The following VRK3 variants were observed in gnomAD, a reference collection of about 807,000 sequenced individuals.
VRK3 encodes the protein serine/threonine-protein kinase VRK3.
In VRK3, 50 loss-of-function variants were observed where a neutral mutation model predicts 60.4. That is an observed-to-expected ratio of 0.83 (90% CI 0.66 to 1.05). The LOEUF (loss-of-function observed/expected upper bound fraction) is 1.05. Ranked by LOEUF, VRK3 falls within the 50% of genes least tolerant of loss-of-function variation. The probability of loss-of-function intolerance (pLI) is 0.00; values close to 1 mark genes in which losing one functional copy is unlikely to be tolerated. For missense variants in VRK3, 549 were observed against 585.3 expected, an observed-to-expected ratio of 0.94 and a Z score of 0.64; for synonymous variants, 246 against 227.8, an observed-to-expected ratio of 1.08 and a Z score of -0.72.
At chr19:50,005,575 T>TA (rs1483791637) in intron 5 of VRK3, among the ~76,000 whole-genome samples, 2 of 149,668 alleles carry the variant, frequency 1.3e-5, no homozygotes, top group Non-Finnish European at 2.9e-5. Flanking sequence ...TGTAAGCAAA[T>TA]ATTCATGGCA....
Position 50,009,316 on chromosome 19 carries a change from G to A in VRK3, c.209C>T (p.Thr70Ile), listed in dbSNP as rs777702475. 3.7e-6 allele frequency: 6 copies of A among 1,614,132 alleles called. No individual in the cohort carries two copies. The highest frequency in any genetic ancestry group is 1.7e-5 in the Admixed American group (1 of 60,014). ...PKKVKWSSTVTSPRLSLFSDG... is the reference protein window; with the variant it reads ...PKKVKWSSTVISPRLSLFSDG... ...TGAGAAGAGGGATAATCGGGGAGAG[G>A]TGACGGTGCTGGACCATTTCACTTT... Residue 70 changes from threonine to isoleucine, a missense_variant, in exon 4 of 15, where the codon ACC becomes ATC. Coordinates refer to ENST00000316763, the MANE Select transcript of VRK3 (RefSeq NM_016440.4).
At chr19:49,996,861 C>A (rs911389403) in intron 7 of VRK3, 1 of 152,320 alleles carries the variant, frequency 6.6e-6, no homozygotes, top group African/African-American at 2.4e-5. Context: ...AGGTGATCTA[C>A]CCACCTCAGC....
intron 12 of VRK3, among the ~76,000 whole-genome samples, chr19:49,983,939 C>T (rs2076468715): frequency 6.6e-6 from 1 of 152,090 alleles, no homozygotes; most frequent in Non-Finnish European, 1.5e-5. Context: ...GTGCGCCTGG[C>T]CCTCTATGGT....
chr19:49,980,325 T>C (rs1338529953), intron 13 of VRK3, among the ~76,000 whole-genome samples: 1 of 152,128 alleles, frequency 6.6e-6, no homozygotes, highest in Admixed American at 6.5e-5. Context: ...ATAAAAGCTG[T>C]GGTGCATCTA....
At position 50,023,683 on chromosome 19, in the gene VRK3, G is replaced by C. The variant is rs191686170; in HGVS notation, c.-65+1584C>G. Among the ~76,000 whole-genome samples the C allele has an allele frequency of 3.0e-3, 458 of 152,104 alleles. 10 individuals are homozygous for C. Among genetic ancestry groups the C allele is most frequent in the Non-Finnish European group, 9.6e-4 (65 of 68,022 alleles). ...CAGAGCAAATGCTGGGTCTACGTCT[G>C]CTGAGTGAATAAATCATTGTCTCCT... On this transcript the variant is annotated intron_variant, in intron 1 of 14. Coordinates refer to ENST00000316763, the MANE Select transcript of VRK3 (RefSeq NM_016440.4).
At chr19:50,008,508 C>A (rs1460657745) in intron 4 of VRK3, among the ~76,000 whole-genome samples, 3 of 152,194 alleles carry the variant, frequency 2.0e-5, no homozygotes, top group African/African-American at 7.2e-5. Flanking sequence ...GTGGCTGTGG[C>A]TTCAGATCCA....
At chr19:49,981,915 T>C (rs891402499) in intron 12 of VRK3, 2 of 841,676 alleles carry the variant, frequency 2.4e-6, no homozygotes, top group Non-Finnish European at 3.5e-6. Flanking sequence ...CAGGCTCGAC[T>C]TCAGGAGGTC....
At chr19:49,981,344 G>C (rs963022190) in intron 12 of VRK3, among the ~76,000 whole-genome samples, 1 of 152,132 alleles carries the variant, frequency 6.6e-6, no homozygotes, top group Non-Finnish European at 1.5e-5. Flanking sequence ...CAGGAGATCC[G>C]AGATCATCCT....
At chr19:49,987,222 G>T (rs550071995) in intron 12 of VRK3, among the ~76,000 whole-genome samples, 3 of 152,146 alleles carry the variant, frequency 2.0e-5, no homozygotes, top group Non-Finnish European at 4.4e-5. Context: ...CGCCCGCTAG[G>T]ATCAGCTGCC....
chr19:49,979,019 G>T, intron 14 of VRK3, 64 bp downstream of exon 14: 3 of 1,503,782 alleles, frequency 2.0e-6, no homozygotes, highest in Non-Finnish European at 2.7e-6. Flanking sequence ...GTCTCCTGGA[G>T]CCTGGGGCAG....
chr19:50,014,241 C>G (rs929190152), intron 3 of VRK3, among the ~76,000 whole-genome samples: 2 of 151,850 alleles, frequency 1.3e-5, no homozygotes, highest in Non-Finnish European at 2.9e-5. Context: ...GCACTCCAGC[C>G]TGGGTGACAG....
chr19:49,980,924 C>T, intron 13 of VRK3, 31 bp downstream of exon 13: 1 of 1,596,638 alleles, frequency 6.3e-7, no homozygotes, highest in Non-Finnish European at 8.5e-7. Flanking sequence ...TGCCCGAGTC[C>T]CCGCCTGTTC....
At position 50,007,752 on chromosome 19, in the gene VRK3, T is replaced by C. The variant is rs758424576; in HGVS notation, c.364A>G (p.Ser122Gly). 1.9e-5 allele frequency: 31 copies of C among 1,613,652 alleles called. No homozygotes were observed. In the South Asian group the frequency reaches 3.0e-4, roughly 15 times the overall value. ...GGGCTACAGCTGGTCTTCTGAGGGC[T>C]ACCCCTGGTCACCTGAGGGCTCTTC... is the stretch of plus-strand genomic sequence containing the variant. ...TRKSPQVTRG[S>G]PQKTSCSPQK... Residue 122 changes from serine to glycine, a missense_variant, in exon 5 of 15, where the codon AGC becomes GGC. Transcript: ENST00000316763.
At chr19:50,008,369 C>T (rs1056322823) in intron 4 of VRK3, among the ~76,000 whole-genome samples, 1 of 152,158 alleles carries the variant, frequency 6.6e-6, no homozygotes, top group African/African-American at 2.4e-5. Context: ...GGGAGACAGA[C>T]TTGGACACAG....
At chr19:49,991,782 G>A (rs1236460063) in intron 10 of VRK3, among the ~76,000 whole-genome samples, 2 of 152,188 alleles carry the variant, frequency 1.3e-5, no homozygotes, top group Admixed American at 1.3e-4. Context: ...GGGAGAGCCG[G>A]CTTCCCAATG....
At chr19:50,024,773 C>G (rs552234768) in intron 1 of VRK3, 1 of 152,360 alleles carries the variant, frequency 6.6e-6, no homozygotes, top group Non-Finnish European at 1.5e-5. Context: ...GACTCCAACC[C>G]TCAGGCCAGT....
chr19:49,995,525 C>G (rs1293135703), intron 7 of VRK3, among the ~76,000 whole-genome samples: 1 of 152,192 alleles, frequency 6.6e-6, no homozygotes, highest in African/African-American at 2.4e-5. Flanking sequence ...GAAGCATATA[C>G]AAGTCTGGAG....
chr19:49,996,217 G>T lies in VRK3; in HGVS notation c.680-942C>A, dbSNP rs923611759. 2.0e-5 allele frequency among the ~76,000 whole-genome samples: 3 copies of T among 148,984 alleles called. No individual in the cohort carries two copies. In the South Asian group the frequency reaches 6.3e-4, roughly 31 times the overall value. On this transcript the variant is annotated intron_variant, in intron 7 of 14. Transcript: ENST00000316763. ...TTACAGGCATCAGCCACCACGCCCG[G>T]CCTTTTTTTTTTGTATTTTCAATAG...
chr19:50,015,826 G>A (rs1568815388), intron 3 of VRK3, 198 bp downstream of exon 3: 1 of 668,892 alleles, frequency 1.5e-6, no homozygotes, highest in Non-Finnish European at 2.6e-6. Flanking sequence ...TGTTAACATG[G>A]AGACAGTGTT....
Sources: allele counts gnomAD v4.1 joint callset (sites outside exome capture counted in the v4.1 genomes callset), GRCh38; gene constraint gnomAD v4.1.1; transcripts MANE v1.5; gene names NCBI Gene and HGNC (gene_info 2026-07-23, HGNC 2026-07-21).